Variants in PKD2 observed in about 807,000 individuals in gnomAD.
PKD2 encodes the protein polycystin-2.
A neutral mutation model predicts 105.9 loss-of-function variants in PKD2; 48 were observed. The ratio of observed to expected loss-of-function variants is 0.45; its 90% CI spans 0.36 to 0.58. The LOEUF (loss-of-function observed/expected upper bound fraction) is 0.58. Among genes scored for constraint, PKD2 ranks in the 20% least tolerant of loss-of-function variants. PKD2 has a pLI of 0.00. For missense variants in PKD2, 1,078 were observed against 1,255.3 expected (o/e 0.86, Z 2.13); for synonymous variants, 464 against 481.1 (o/e 0.96, Z 0.46).
intron 2 of PKD2, among the ~76,000 whole-genome samples, chr4:88,025,254 T>G (rs1199027528): frequency 2.0e-5 from 3 of 152,068 alleles, no homozygotes; most frequent in Non-Finnish European, 4.4e-5. Context: ...GGCCAGGAGT[T>G]CAAGGCCAGC....
intron 4 of PKD2, among the ~76,000 whole-genome samples, chr4:88,038,988 G>T (rs1727447793): frequency 6.6e-6 from 1 of 152,104 alleles, no homozygotes; most frequent in South Asian, 2.1e-4. Flanking sequence ...GAGATTTTAG[G>T]TATATATTTG....
intron 9 of PKD2, among the ~76,000 whole-genome samples, chr4:88,061,305 C>A (rs1720563022): frequency 6.6e-6 from 1 of 152,032 alleles, no homozygotes; most frequent in African/African-American, 2.4e-5. Flanking sequence ...ATAATCGCAC[C>A]ATTAGTAGGT....
At chr4:88,025,660 A>C (rs1243515214) in intron 2 of PKD2, among the ~76,000 whole-genome samples, 2 of 152,104 alleles carry the variant, frequency 1.3e-5, no homozygotes, top group Non-Finnish European at 2.9e-5. Context: ...AAATTTATTC[A>C]AATACAAAAG....
rs1223785807 is a variant in PKD2 at position 88,070,601 on chromosome 4, T to TAGAGAGAGAG, written c.2522+2558_2522+2567dup. Among the ~76,000 whole-genome samples the TAGAGAGAGAG allele has an allele frequency of 6.9e-3, 630 of 91,430 alleles. 4 individuals are homozygous for TAGAGAGAGAG. Among genetic ancestry groups the TAGAGAGAGAG allele is most frequent in the South Asian group, 9.6e-3 (23 of 2,408 alleles). The allele number at this position is 91,430 out of a possible 152,430, so 60.0% of individuals were successfully genotyped here. A position where few individuals can be genotyped will look rare whatever the true frequency, so the allele number is the denominator to read the frequency against. On this transcript the variant is annotated intron_variant, in intron 13 of 14. Coordinates refer to ENST00000237596, the MANE Select transcript of PKD2 (RefSeq NM_000297.4). The stretch of plus-strand genomic sequence containing the variant: ...ATATATATATATATATATATATATA[T>TAGAGAGAGAG]AGAGAGAGAGAGAGAGAGAGAGAGA...
intron 1 of PKD2, among the ~76,000 whole-genome samples, chr4:88,011,383 G>A (rs1283579016): frequency 6.6e-6 from 1 of 151,220 alleles, no homozygotes; most frequent in Non-Finnish European, 1.5e-5. Flanking sequence ...GTCAGGGTGG[G>A]CTAAGCTGCT....
chr4:88,075,430 C>A (rs745670687), intron 14 of PKD2, 28 bp from the exon 15 acceptor site: 1 of 1,536,362 alleles, frequency 6.5e-7, no homozygotes, highest in South Asian at 1.1e-5. Flanking sequence ...CTACTGCCCC[C>A]AACACCAGTT....
At position 88,075,634 on chromosome 4, in the gene PKD2, C is replaced by T; in HGVS notation, c.2847C>T (p.Ser949=). The change falls in exon 15 of 15, where the codon TCC becomes TCT. Residue 949 remains serine, a synonymous_variant. Transcript: ENST00000237596. ...CCAGAAGCTCCCGCCCATCTTCCTC[C>T]CAATCTACAGAAGGCATGGAAGGTG... ...PRPRSSRPSS[S]QSTEGMEGAG... is the part of the protein sequence containing the mutation. 6.2e-7 allele frequency: 1 copy of T among 1,614,130 alleles called. No individual in the cohort carries two copies. Among genetic ancestry groups the T allele is most frequent in the Non-Finnish European group, 8.5e-7 (1 of 1,180,008 alleles).
chr4:88,050,976 G>A (rs1197159555), intron 6 of PKD2, among the ~76,000 whole-genome samples: 1 of 152,190 alleles, frequency 6.6e-6, no homozygotes, highest in Non-Finnish European at 1.5e-5. Context: ...CCTAAGAAGA[G>A]AGAATGGACA....
chr4:88,028,204 G>T (rs1032901231), intron 2 of PKD2, among the ~76,000 whole-genome samples: 1 of 152,142 alleles, frequency 6.6e-6, no homozygotes, highest in African/African-American at 2.4e-5. Context: ...AAAAAGAAAG[G>T]AATATTTTAT....
Position 88,008,660 on chromosome 4 carries a change from A to G in PKD2, c.595+332A>G, listed in dbSNP as rs151262210. ...GTTTTTTTTTTTCTTGTAGAGGAAA[A>G]AATGAACATTACTTGTGTAACTGAT... On this transcript the variant is annotated intron_variant, in intron 1 of 14. Transcript: ENST00000237596. Among the ~76,000 whole-genome samples, 12 of 152,236 alleles carry G rather than the reference A, an allele frequency of 7.9e-5. No homozygotes were observed. In the East Asian group the frequency reaches 2.1e-3, roughly 27 times the overall value.
At chr4:88,016,388 C>G (rs145868042) in intron 1 of PKD2, among the ~76,000 whole-genome samples, 52 of 152,300 alleles carry the variant, frequency 3.4e-4, no homozygotes, top group African/African-American at 1.2e-3. Flanking sequence ...ACTAGAACAG[C>G]TATGGGAAAG....
intron 13 of PKD2, among the ~76,000 whole-genome samples, chr4:88,072,925 A>G (rs984775402): frequency 1.3e-5 from 2 of 151,466 alleles, no homozygotes; most frequent in African/African-American, 4.9e-5. Context: ...AATCCCAGCT[A>G]CTCGGGAGCC....
At chr4:88,065,655 C>T (rs974898274) in intron 11 of PKD2, 107 bp from the exon 12 acceptor site, 3 of 1,168,518 alleles carry the variant, frequency 2.6e-6, no homozygotes, top group Non-Finnish European at 3.9e-6. Flanking sequence ...GGAAAACTTG[C>T]CCCCATTTGG....
In PKD2 at chr4:88,007,687, G is replaced by C. The variant is rs770096557; in HGVS notation, c.-47G>C. ...GAACATGGCTCCTGAGGCGCACAGC[G>C]CCGAGCGCGGCGCCGCGCACCCGCG... is the stretch of plus-strand genomic sequence containing the variant. On this transcript the variant is annotated 5_prime_UTR_variant, in exon 1 of 15. Coordinates refer to ENST00000237596, the MANE Select transcript of PKD2 (RefSeq NM_000297.4). 3.7e-5 allele frequency: 42 copies of C among 1,126,584 alleles called. No individual in the cohort carries two copies. Among genetic ancestry groups the C allele is most frequent in the Non-Finnish European group, 6.5e-6 (6 of 917,118 alleles). 69.8% of individuals were successfully genotyped at this position (1,126,584 alleles called of 1,614,324 possible).
chr4:88,075,138 C>G (rs1721186451), intron 14 of PKD2, among the ~76,000 whole-genome samples, 179 bp downstream of exon 14: 1 of 152,160 alleles, frequency 6.6e-6, no homozygotes, highest in African/African-American at 2.4e-5. Context: ...GAAACAGAAA[C>G]ACTCTTTCTA....
At chr4:88,033,323 A>C (rs1177111882) in intron 2 of PKD2, among the ~76,000 whole-genome samples, 1 of 152,022 alleles carries the variant, frequency 6.6e-6, no homozygotes, top group African/African-American at 2.4e-5. Context: ...GGTACTCAGG[A>C]AGCTGAGGTG....
chr4:88,039,154 G>A lies in PKD2; in HGVS notation c.1094+653G>A, dbSNP rs182894666. Among the ~76,000 whole-genome samples, 128 of 152,230 alleles carry A rather than the reference G, an allele frequency of 8.4e-4. 1 individual carries two copies. The highest frequency in any genetic ancestry group is 2.9e-3 in the African/African-American group (121 of 41,544). On this transcript the variant is annotated intron_variant, in intron 4 of 14. Coordinates refer to ENST00000237596, the MANE Select transcript of PKD2 (RefSeq NM_000297.4). ...AGGCCGTTTCAGGGTGGGCCTTTGC[G>A]GTTGCTGTCCCTGGGTACGTCACTG... is the stretch of plus-strand genomic sequence containing the variant.
At chr4:88,036,161 G>A (rs1727322478) in intron 2 of PKD2, 59 bp from the exon 3 acceptor site, 2 of 1,613,182 alleles carry the variant, frequency 1.2e-6, no homozygotes, top group African/African-American at 1.3e-5. Context: ...GAAGGCTGCT[G>A]GTATGTGAAT....
intron 1 of PKD2, 58 bp downstream of exon 1, chr4:88,008,386 G>A: frequency 6.8e-7 from 1 of 1,469,932 alleles, no homozygotes. Flanking sequence ...GGCGCCGGCC[G>A]GGGCCATCGC....
Sources: gnomAD v4.1 joint callset for allele counts (sites outside exome capture counted in the v4.1 genomes callset) on GRCh38, gnomAD v4.1.1 for gene constraint, MANE v1.5 for transcripts, NCBI Gene and HGNC (gene_info 2026-07-23, HGNC 2026-07-21) for gene names.